The following AGPAT3 variants were observed in gnomAD, a reference collection of about 807,000 sequenced individuals.
AGPAT3 encodes 1-acyl-sn-glycerol-3-phosphate acyltransferase gamma.
Under a neutral mutation model 47.3 loss-of-function variants are expected in AGPAT3, and 5 were observed. The ratio of observed to expected loss-of-function variants is 0.11; its 90% CI spans 0.06 to 0.22. AGPAT3 has a LOEUF of 0.22. Among genes scored for constraint, AGPAT3 ranks in the 10% least tolerant of loss-of-function variants. The pLI is 1.00. For synonymous variants in AGPAT3, 212 were observed against 208.3 expected, an observed-to-expected ratio of 1.02 and a Z score of -0.15; for missense variants, 315 against 493.0, an observed-to-expected ratio of 0.64 and a Z score of 3.42.
intron 1 of AGPAT3, among the ~76,000 whole-genome samples, chr21:43,870,156 GGCAGTGAGCTGGT>G (rs1418409174): frequency 6.6e-6 from 1 of 152,212 alleles, no homozygotes; most frequent in East Asian, 1.9e-4. Flanking sequence ...TGCCGTGGCT[GGCAGTGAGCTGGT>G]GCAGGGAGGC....
At chr21:43,892,627 C>T (rs911310712) in intron 1 of AGPAT3, among the ~76,000 whole-genome samples, 17 of 152,180 alleles carry the variant, frequency 1.1e-4, no homozygotes, top group Admixed American at 3.9e-4. Context: ...CTAGGATTTT[C>T]GGAATAGTAT....
chr21:43,926,917 T>G (rs2087073973), intron 2 of AGPAT3, among the ~76,000 whole-genome samples: 1 of 145,220 alleles, frequency 6.9e-6, no homozygotes, highest in Admixed American at 7.2e-5. Context: ...AGGTGGAGGT[T>G]GCAGTGAGCC....
At chr21:43,883,341 C>T (rs2085895533) in intron 1 of AGPAT3, among the ~76,000 whole-genome samples, 1 of 152,232 alleles carries the variant, frequency 6.6e-6, no homozygotes, top group Admixed American at 6.5e-5. Context: ...GGCCTGTCCT[C>T]GCTGAGCCTC....
chr21:43,980,356 G>A (rs1442575617), intron 8 of AGPAT3, among the ~76,000 whole-genome samples: 1 of 151,982 alleles, frequency 6.6e-6, no homozygotes, highest in East Asian at 1.9e-4. Flanking sequence ...AGTCCCACGG[G>A]CTGCCCCGCC....
At chr21:43,897,981 A>G (rs555705828) in intron 1 of AGPAT3, among the ~76,000 whole-genome samples, 2 of 152,206 alleles carry the variant, frequency 1.3e-5, no homozygotes, top group South Asian at 4.2e-4. Flanking sequence ...AAATACAAAA[A>G]CCAGTCAGGC....
chr21:43,893,752 C>T (rs1471001433), intron 1 of AGPAT3, among the ~76,000 whole-genome samples: 1 of 152,154 alleles, frequency 6.6e-6, no homozygotes, highest in Non-Finnish European at 1.5e-5. Flanking sequence ...AAGAGCCGCT[C>T]GGCCGAGCAG....
chr21:43,970,870 A>T lies in AGPAT3; in HGVS notation c.664+64A>T, dbSNP rs2146789278. On this transcript the variant is annotated intron_variant, in intron 6 of 9. Transcript: ENST00000291572. This position sits in a 1 kb window ranked among gnomAD's most constrained non-coding sequence, Gnocchi z 5.8. ...CTCACGGAAAATAGTGATTTCTTTA[A>T]AAAAAAAAAAAATGAGTGCATTCCA... 2 of 1,268,276 alleles carry T rather than the reference A, an allele frequency of 1.6e-6. No homozygotes were observed. Among genetic ancestry groups the T allele is most frequent in the East Asian group, 3.0e-5 (1 of 33,510 alleles). The allele number at this position is 1,268,276 out of a possible 1,614,324, so 78.6% of individuals were successfully genotyped here.
chr21:43,889,155 T>A (rs1186410932), intron 1 of AGPAT3, among the ~76,000 whole-genome samples: 1 of 152,210 alleles, frequency 6.6e-6, no homozygotes, highest in Non-Finnish European at 1.5e-5. Flanking sequence ...TTCTATTGAC[T>A]TTTCTTGTCG....
intron 2 of AGPAT3, among the ~76,000 whole-genome samples, chr21:43,926,260 G>A (rs1037302180): frequency 2.0e-5 from 3 of 152,302 alleles, no homozygotes; most frequent in East Asian, 1.9e-4. Flanking sequence ...CTCCAGCAGC[G>A]GTGAAATCTG....
At chr21:43,890,165 C>T (rs1287335826) in intron 1 of AGPAT3, among the ~76,000 whole-genome samples, 2 of 152,110 alleles carry the variant, frequency 1.3e-5, no homozygotes, top group East Asian at 1.9e-4. Flanking sequence ...AGTTTAACAC[C>T]GTCCCCCTAG....
chr21:43,926,906 G>C (rs13052604), intron 2 of AGPAT3, among the ~76,000 whole-genome samples: 1 of 150,368 alleles, frequency 6.7e-6, no homozygotes, highest in Non-Finnish European at 1.5e-5. Context: ...TTGAACCCAG[G>C]AGGTGGAGGT....
At chr21:43,900,160 C>G (rs1250250602) in intron 1 of AGPAT3, among the ~76,000 whole-genome samples, 1 of 152,312 alleles carries the variant, frequency 6.6e-6, no homozygotes, top group East Asian at 1.9e-4. Context: ...AAGTCAGGCC[C>G]TCTGCAGCTG....
intron 1 of AGPAT3, among the ~76,000 whole-genome samples, chr21:43,877,908 C>T (rs1292179492): frequency 6.6e-6 from 1 of 152,020 alleles, no homozygotes; most frequent in Non-Finnish European, 1.5e-5. Context: ...ATCTCCCACA[C>T]CCCCTTCCCC....
At chr21:43,907,793 CTG>C (rs1482552541) in intron 2 of AGPAT3, among the ~76,000 whole-genome samples, 3 of 152,226 alleles carry the variant, frequency 2.0e-5, no homozygotes, top group South Asian at 2.1e-4. Context: ...CTGATTCCCT[CTG>C]TGAAAAATAC....
intron 7 of AGPAT3, among the ~76,000 whole-genome samples, chr21:43,973,224 T>TAG (rs1391122861): frequency 6.6e-6 from 1 of 152,256 alleles, no homozygotes; most frequent in African/African-American, 2.4e-5. Context: ...TTCTCTCCCT[T>TAG]ATGTGCCTAA....
intron 1 of AGPAT3, among the ~76,000 whole-genome samples, chr21:43,895,219 C>T (rs912301592): frequency 6.6e-6 from 1 of 151,910 alleles, no homozygotes; most frequent in Non-Finnish European, 1.5e-5. Flanking sequence ...ATTCTCCTGC[C>T]TCAGCCTCTG....
At chr21:43,907,771 T>G (rs2086538190) in intron 2 of AGPAT3, among the ~76,000 whole-genome samples, 1 of 152,184 alleles carries the variant, frequency 6.6e-6, no homozygotes, top group Non-Finnish European at 1.5e-5. Context: ...GAGCTTGCGT[T>G]TTCGGTTTCA....
chr21:43,870,762 T>C (rs1329954513), intron 1 of AGPAT3, among the ~76,000 whole-genome samples: 2 of 152,170 alleles, frequency 1.3e-5, no homozygotes, highest in Non-Finnish European at 2.9e-5. Context: ...AATTATTCAG[T>C]ATATAATGTT....
chr21:43,916,939 C>T (rs998272031), intron 2 of AGPAT3, among the ~76,000 whole-genome samples: 3 of 152,074 alleles, frequency 2.0e-5, no homozygotes, highest in Middle Eastern at 3.2e-3. Context: ...GCCTCGTGCT[C>T]GTGTCTGTAT....
Sources: allele counts gnomAD v4.1 joint callset (sites outside exome capture counted in the v4.1 genomes callset), GRCh38; gene constraint gnomAD v4.1.1; non-coding constraint Gnocchi (gnomAD v3.1); transcripts MANE v1.5; gene names NCBI Gene and HGNC (gene_info 2026-07-23, HGNC 2026-07-21).